Variants in SEPTIN4 observed in about 807,000 individuals in gnomAD.
SEPTIN4 encodes septin-4.
In SEPTIN4, 52 loss-of-function variants were observed where a neutral mutation model predicts 107.1. That is an observed-to-expected ratio of 0.49 (90% CI 0.39 to 0.61). The LOEUF (loss-of-function observed/expected upper bound fraction) is 0.61. Among genes scored for constraint, SEPTIN4 ranks in the 20% least tolerant of loss-of-function variants. The pLI, the probability that SEPTIN4 is intolerant of heterozygous loss-of-function variation, is 0.00. For missense variants in SEPTIN4, 1,048 were observed against 1,243.5 expected (o/e 0.84, Z 2.36); for synonymous variants, 417 against 467.0 (o/e 0.89, Z 1.38).
rs779310395 is a variant in SEPTIN4, at chr17:58,543,135, G to C, written c.1052C>G (p.Thr351Arg). 1 of 1,612,470 alleles carries C rather than the reference G, an allele frequency of 6.2e-7. No individual in the cohort carries two copies. The highest frequency in any genetic ancestry group is 1.3e-5 in the African/African-American group (1 of 74,994). Reference sequence around the variant, plus strand: ...GGAGCCCTCAGACACTGATGGAACTGTCACATGGTGAGTTGGCTCTACTGA... The same window carrying C: ...GGAGCCCTCAGACACTGATGGAACTCTCACATGGTGAGTTGGCTCTACTGA... ...VQSVEPTHHV[T>R]VPSVSEGSHK... Residue 351 changes from threonine to arginine, a missense_variant, in exon 1 of 14, where the codon ACA becomes AGA. Transcript: ENST00000672673.
chr17:58,540,737 A>C, intron 2 of SEPTIN4, 64 bp from the exon 3 acceptor site: 2 of 1,301,242 alleles, frequency 1.5e-6, no homozygotes, highest in Non-Finnish European at 2.0e-6. Context: ...AGAGAGTGCC[A>C]ATAGGAGGAG....
Position 58,544,227 on chromosome 17 carries a change from T to C in SEPTIN4, c.-41A>G, listed in dbSNP as rs779255240. ...CTTCTGAGTAGATCCCGTATTTTAC[T>C]GGCTGGCTTGTATTCAGGATCCTAA... On this transcript the variant is annotated 5_prime_UTR_variant, in exon 1 of 14. Coordinates refer to ENST00000672673, the MANE Select transcript of SEPTIN4 (RefSeq NM_001368771.2). The C allele has an allele frequency of 6.4e-7, 1 of 1,555,888 alleles. No homozygotes were observed. The highest frequency in any genetic ancestry group is 8.7e-7 in the Non-Finnish European group (1 of 1,152,440).
rs367976514 is a variant in SEPTIN4, at chr17:58,521,595, A to C, written c.2521T>G (p.Cys841Gly). ...AAGTCCTCATCCTCATCAGAGTCACAGTCTGGGAATTGATAGATCTTGATT... is the reference window on the plus strand; with the variant it reads ...AAGTCCTCATCCTCATCAGAGTCACCGTCTGGGAATTGATAGATCTTGATT... ...FGIKIYQFPD[C>G]DSDEDEDFKL... The change falls in exon 10 of 14, where the codon TGT becomes GGT. Residue 841 changes from cysteine (C) to glycine (G), a missense_variant. Around this residue, in one of 2 missense-constraint regions of SEPTIN4, gnomAD observed 261 missense variants for 371.7 expected, o/e 0.70. Coordinates refer to ENST00000672673, the MANE Select transcript of SEPTIN4 (RefSeq NM_001368771.2). This position sits in a 1 kb window ranked among gnomAD's most constrained non-coding sequence, Gnocchi z 6.4. 5 of 1,614,232 alleles carry C rather than the reference A, an allele frequency of 3.1e-6. No individual in the cohort carries two copies. Among genetic ancestry groups the C allele is most frequent in the Non-Finnish European group, 3.4e-6 (4 of 1,180,050 alleles).
intron 3 of SEPTIN4, among the ~76,000 whole-genome samples, chr17:58,537,989 G>A (rs2043775284): frequency 6.6e-6 from 1 of 152,190 alleles, no homozygotes; most frequent in Admixed American, 6.5e-5. Context: ...AACTACTCAG[G>A]AGGCTGAGGC....
chr17:58,535,569 T>C (rs1055167036), intron 3 of SEPTIN4, among the ~76,000 whole-genome samples: 7 of 152,246 alleles, frequency 4.6e-5, no homozygotes, highest in African/African-American at 1.7e-4. Flanking sequence ...TTCACTATAC[T>C]GAGCCAAAAT....
Position 58,541,921 on chromosome 17 carries a change from C to T in SEPTIN4, c.1606+1G>A. The T allele has an allele frequency of 6.2e-7, 1 of 1,614,122 alleles. No homozygotes were observed. The highest frequency in any genetic ancestry group is 8.5e-7 in the Non-Finnish European group (1 of 1,180,010). Reference sequence around the variant, plus strand: ...GGCCCATAGGAGGGAAAAGCACAGACCTTTTAGCCACCAGATGACACGATT... The same window carrying T: ...GGCCCATAGGAGGGAAAAGCACAGATCTTTTAGCCACCAGATGACACGATT... On this transcript the variant is annotated splice_donor_variant, in intron 2 of 13. Coordinates refer to ENST00000672673, the MANE Select transcript of SEPTIN4 (RefSeq NM_001368771.2). LOFTEE classifies it high-confidence loss of function.
chr17:58,521,624 A>C lies in SEPTIN4; in HGVS notation c.2492T>G (p.Phe831Cys). ...KRKIREEIEH[F>C]GIKIYQFPDC... Reference sequence around the variant, plus strand: ...TGGGAATTGATAGATCTTGATTCCAAAATGCTCAATCTCCTCCCGGATCTG... The same window carrying C: ...TGGGAATTGATAGATCTTGATTCCACAATGCTCAATCTCCTCCCGGATCTG... The change falls in exon 10 of 14, where the codon TTT (phenylalanine) becomes TGT (cysteine). Residue 831 changes from phenylalanine to cysteine, a missense_variant. Coordinates refer to ENST00000672673, the MANE Select transcript of SEPTIN4 (RefSeq NM_001368771.2). This position sits in a 1 kb window ranked among gnomAD's most constrained non-coding sequence, Gnocchi z 6.4. 1.9e-6 allele frequency: 3 copies of C among 1,614,196 alleles called. No homozygotes were observed. Among genetic ancestry groups the C allele is most frequent in the Non-Finnish European group, 2.5e-6 (3 of 1,180,030 alleles).
chr17:58,525,265 C>G, intron 6 of SEPTIN4, 64 bp from the exon 7 acceptor site: 2 of 1,589,338 alleles, frequency 1.3e-6, no homozygotes, highest in Non-Finnish European at 1.7e-6. Flanking sequence ...GATGAACCGC[C>G]CACCCCAACC....
At chr17:58,535,700 C>A (rs2043687168) in intron 3 of SEPTIN4, among the ~76,000 whole-genome samples, 1 of 152,200 alleles carries the variant, frequency 6.6e-6, no homozygotes, top group Admixed American at 6.5e-5. Flanking sequence ...CATCTGTATA[C>A]TTTTCTCTAC....
In SEPTIN4 at chr17:58,544,258, C is replaced by A; in HGVS notation, c.-72G>T. The A allele has an allele frequency of 1.3e-6, 2 of 1,506,758 alleles. No homozygotes were observed. Among genetic ancestry groups the A allele is most frequent in the Admixed American group, 2.1e-5 (1 of 47,562 alleles). The allele number at this position is 1,506,758 out of a possible 1,614,324, so 93.3% of individuals were successfully genotyped here. On this transcript the variant is annotated 5_prime_UTR_variant, in exon 1 of 14. Transcript: ENST00000672673. ...GCTTGTATTCAGGATCCTAATGATGCCTGAATATTTACCCTGTTTTAAAGC... is the reference window on the plus strand; with the variant it reads ...GCTTGTATTCAGGATCCTAATGATGACTGAATATTTACCCTGTTTTAAAGC...
chr17:58,542,939 C>T lies in SEPTIN4; in HGVS notation c.1248G>A (p.Arg416=), dbSNP rs778671005. 28 of 1,613,986 alleles carry T rather than the reference C, an allele frequency of 1.7e-5. No individual in the cohort carries two copies. Among genetic ancestry groups the T allele is most frequent in the Non-Finnish European group, 2.3e-5 (27 of 1,180,022 alleles). The change falls in exon 1 of 14, where the codon CGG becomes CGA. Residue 416 remains arginine, a synonymous_variant. Transcript: ENST00000672673. ...LELTPRPLPP[R]SLPRYGPDSS... is the part of the protein sequence containing the mutation. ...AGTCAGGTCCGTACCTAGGTAAGGA[C>T]CGAGGAGGCAAGGGCCTAGGGGTCA...
In SEPTIN4 at chr17:58,542,889, G is replaced by C. The variant is rs1567979141; in HGVS notation, c.1298C>G (p.Pro433Arg). The change falls in exon 1 of 14, where the codon CCT becomes CGT. Residue 433 changes from proline (P) to arginine (R), a missense_variant. By Grantham distance (103) the Pro-to-Arg change is moderately radical. This residue lies in a region of SEPTIN4 where 787 missense variants were observed against 871.8 expected (regional missense o/e 0.90). Transcript: ENST00000672673. Reference protein sequence around the residue: ...PDSSWWPLLNPEVETPQSQLT... With the variant: ...PDSSWWPLLNREVETPQSQLT... ...CTGGCTTTGGGGTGTTTCAACTTCA[G>C]GATTCAGCAAGGGCCACCATGAGGA... 2 of 1,614,078 alleles carry C rather than the reference G, an allele frequency of 1.2e-6. No individual in the cohort carries two copies. Among genetic ancestry groups the C allele is most frequent in the Non-Finnish European group, 1.7e-6 (2 of 1,180,046 alleles).
chr17:58,541,017 C>T (rs1238905595), intron 2 of SEPTIN4, among the ~76,000 whole-genome samples: 1 of 152,108 alleles, frequency 6.6e-6, no homozygotes. Flanking sequence ...AATAGTGGAC[C>T]CAGGGCCCAA....
intron 3 of SEPTIN4, among the ~76,000 whole-genome samples, chr17:58,535,521 C>G (rs1294281994): frequency 6.6e-6 from 1 of 152,250 alleles, no homozygotes; most frequent in Non-Finnish European, 1.5e-5. Context: ...ATTCTAACAA[C>G]TGCCCTTCAA....
At chr17:58,542,290 C>T (rs898751537) in intron 1 of SEPTIN4, among the ~76,000 whole-genome samples, 2 of 152,130 alleles carry the variant, frequency 1.3e-5, no homozygotes, top group Non-Finnish European at 2.9e-5. Context: ...CTTGCCAGCC[C>T]TCACCCCAGC....
intron 2 of SEPTIN4, among the ~76,000 whole-genome samples, chr17:58,541,153 T>C (rs192062329): frequency 1.3e-5 from 2 of 152,294 alleles, no homozygotes; most frequent in Admixed American, 1.3e-4. Context: ...TTCATGCTGG[T>C]TGGGATTGGA....
chr17:58,531,938 G>A (rs1158060810), intron 3 of SEPTIN4: 2 of 1,145,048 alleles, frequency 1.7e-6, no homozygotes, highest in Non-Finnish European at 2.1e-6. Context: ...CCCCGCGCCC[G>A]CCCGCCTGCC....
chr17:58,527,438 G>A (rs1225058829), intron 3 of SEPTIN4: 2 of 296,884 alleles, frequency 6.7e-6, no homozygotes, highest in African/African-American at 2.2e-5. Context: ...GCAGGGACAT[G>A]AGGGAAGTAG....
In SEPTIN4 at chr17:58,521,165, A is replaced by G. The variant is rs1362048900; in HGVS notation, c.2669-5T>C. 1.2e-6 allele frequency: 2 copies of G among 1,614,190 alleles called. No homozygotes were observed. Among genetic ancestry groups the G allele is most frequent in the Non-Finnish European group, 1.7e-6 (2 of 1,180,024 alleles). On this transcript the variant is annotated splice_region_variant and splice_polypyrimidine_tract_variant and intron_variant, in intron 11 of 13. Coordinates refer to ENST00000672673, the MANE Select transcript of SEPTIN4 (RefSeq NM_001368771.2). The surrounding 1 kb of genome is among the most constrained non-coding windows in gnomAD (Gnocchi z 6.4). ...CGCAGTGCCCTGGGTTTTCCACTGCATAGCAAGGCTAGGGGTCAGCCAGAG... is the reference window on the plus strand; with the variant it reads ...CGCAGTGCCCTGGGTTTTCCACTGCGTAGCAAGGCTAGGGGTCAGCCAGAG...
Sources: gnomAD v4.1 joint callset for allele counts (sites outside exome capture counted in the v4.1 genomes callset) on GRCh38, gnomAD v4.1.1 for gene constraint, gnomAD v4.1.1 regional missense constraint, Gnocchi (gnomAD v3.1) non-coding constraint, MANE v1.5 for transcripts, NCBI Gene and HGNC (gene_info 2026-07-23, HGNC 2026-07-21) for gene names.